The following RAPGEF5 variants were observed in gnomAD, a reference collection of about 807,000 sequenced individuals.
The protein encoded by RAPGEF5 is M-Ras-regulated GEF.
A neutral mutation model predicts 125.2 loss-of-function variants in RAPGEF5; 65 were observed. The ratio of observed to expected loss-of-function variants is 0.52; its 90% confidence interval spans 0.43 to 0.64. RAPGEF5 has a LOEUF of 0.64. RAPGEF5 is among the 30% of genes least tolerant of loss of function. RAPGEF5 has a pLI of 0.00. For synonymous variants in RAPGEF5, 391 were observed against 385.9 expected, an observed-to-expected ratio of 1.01 and a Z score of -0.16; for missense variants, 958 against 1,048.1, an observed-to-expected ratio of 0.91 and a Z score of 1.19.
rs1214542912 is a variant in RAPGEF5, at chr7:22,122,433, G to C, written c.2625C>G (p.Leu875=). The change falls in exon 26 of 26, where the codon CTC becomes CTG. Residue 875 remains leucine, a synonymous_variant. Coordinates refer to ENST00000665637, the MANE Select transcript of RAPGEF5 (RefSeq NM_012294.5). ...VIDSQQALFE[L]SHRIEPRV Reference sequence around the variant, plus strand: ...ACACCCGAGGCTCGATCCTGTGTGAGAGCTCAAACAGAGCCTGCTGGCTGT... The same window carrying C: ...ACACCCGAGGCTCGATCCTGTGTGACAGCTCAAACAGAGCCTGCTGGCTGT... 6.2e-7 allele frequency: 1 copy of C among 1,613,828 alleles called. No individual in the cohort carries two copies. The highest frequency in any genetic ancestry group is 1.3e-5 in the African/African-American group (1 of 75,062).
intron 9 of RAPGEF5, among the ~76,000 whole-genome samples, chr7:22,218,968 T>C (rs1187022520): frequency 6.6e-6 from 1 of 152,150 alleles, no homozygotes; most frequent in Non-Finnish European, 1.5e-5. Context: ...TCCTTCTCAG[T>C]AAAACCCTGC....
At chr7:22,137,286 C>T (rs1026986860) in intron 21 of RAPGEF5, among the ~76,000 whole-genome samples, 1 of 152,202 alleles carries the variant, frequency 6.6e-6, no homozygotes, top group African/African-American at 2.4e-5. Flanking sequence ...CAGTTCCATA[C>T]CCTACCTTTG....
In RAPGEF5 at chr7:22,147,640, G is replaced by C. The variant is rs56908747; in HGVS notation, c.1885-621C>G. On this transcript the variant is annotated intron_variant, in intron 18 of 25. Transcript: ENST00000665637. ...CGTAAATAGGGCCTAACAACTATGA[G>C]GCTGGTAACAGTATTTCCTTAAGAT... Among the ~76,000 whole-genome samples the C allele has an allele frequency of 6.6e-3, 1,003 of 152,260 alleles. 18 individuals carry two copies. The highest frequency in any genetic ancestry group is 0.023 in the African/African-American group (965 of 41,554).
intron 6 of RAPGEF5, among the ~76,000 whole-genome samples, chr7:22,277,322 T>A (rs1782579709): frequency 6.6e-6 from 1 of 152,228 alleles, no homozygotes; most frequent in South Asian, 2.1e-4. Context: ...ATCAGGAGAT[T>A]ATGGGTTCAA....
At chr7:22,331,731 C>T (rs1216331738) in intron 1 of RAPGEF5, among the ~76,000 whole-genome samples, 3 of 124,286 alleles carry the variant, frequency 2.4e-5, no homozygotes, top group Non-Finnish European at 4.8e-5. Context: ...GGTGATAGAG[C>T]GAGACTCCAT....
chr7:22,202,029 A>T (rs906864219), intron 9 of RAPGEF5, among the ~76,000 whole-genome samples: 1 of 152,222 alleles, frequency 6.6e-6, no homozygotes, highest in Admixed American at 6.5e-5. Flanking sequence ...AAGGTCAAGG[A>T]CAGAGAGGTC....
Position 22,156,880 on chromosome 7 carries a change from G to A in RAPGEF5, c.1566C>T (p.Ala522=). The change falls in exon 16 of 26, where the codon GCC becomes GCT. Residue 522 remains alanine (A), a synonymous_variant. Coordinates refer to ENST00000665637, the MANE Select transcript of RAPGEF5 (RefSeq NM_012294.5). The part of the protein sequence containing the change: ...DEYSPQKKNK[A]LFHQFSLKEN... ...CCTTAAGACTGAATTGGTGGAAAAG[G>A]GCTTTATTCTGTGAGATGGGAGAAA... is the stretch of plus-strand genomic sequence containing the variant. 1.2e-6 allele frequency: 2 copies of A among 1,613,856 alleles called. No individual in the cohort carries two copies. The highest frequency in any genetic ancestry group is 2.2e-5 in the East Asian group (1 of 44,878).
chr7:22,183,134 T>G (rs1329073000), intron 11 of RAPGEF5, among the ~76,000 whole-genome samples: 3 of 151,840 alleles, frequency 2.0e-5, no homozygotes, highest in Admixed American at 2.0e-4. Flanking sequence ...TTGGGCATGG[T>G]GGCACACACC....
intron 14 of RAPGEF5, among the ~76,000 whole-genome samples, 184 bp downstream of exon 14, chr7:22,160,334 C>G (rs74483868): frequency 6.6e-6 from 1 of 152,136 alleles, no homozygotes; most frequent in African/African-American, 2.4e-5. Flanking sequence ...AGCTGAATTC[C>G]GTGTTCTTTC....
At chr7:22,163,310 A>G (rs899982749) in intron 12 of RAPGEF5, among the ~76,000 whole-genome samples, 1 of 152,244 alleles carries the variant, frequency 6.6e-6, no homozygotes, top group Non-Finnish European at 1.5e-5. Flanking sequence ...ACAGTTGACT[A>G]AGTTATTATA....
At chr7:22,309,918 C>T in intron 4 of RAPGEF5, 51 bp downstream of exon 4, 1 of 1,505,326 alleles carries the variant, frequency 6.6e-7, no homozygotes, top group East Asian at 2.6e-5. Context: ...GTATTTTCAT[C>T]TGATAGCTTA....
chr7:22,289,587 C>A (rs1782882969), intron 6 of RAPGEF5, among the ~76,000 whole-genome samples: 1 of 152,248 alleles, frequency 6.6e-6, no homozygotes. Context: ...ATTATGCACA[C>A]CACAGGCACT....
intron 1 of RAPGEF5, among the ~76,000 whole-genome samples, chr7:22,344,420 G>A (rs1389293282): frequency 1.3e-5 from 2 of 152,230 alleles, no homozygotes; most frequent in Non-Finnish European, 2.9e-5. Flanking sequence ...CAGCCAAGGG[G>A]AGACACAGCT....
intron 5 of RAPGEF5, among the ~76,000 whole-genome samples, chr7:22,292,534 T>A (rs1266991234): frequency 1.3e-5 from 2 of 152,232 alleles, no homozygotes; most frequent in East Asian, 1.9e-4. Context: ...GATCTTTTTT[T>A]AATAAGGTTA....
At chr7:22,258,624 C>CAAAAAAAAAAAAA (rs34352575) in intron 7 of RAPGEF5, among the ~76,000 whole-genome samples, 35 of 45,810 alleles carry the variant, frequency 7.6e-4, no homozygotes, top group Non-Finnish European at 8.2e-4. Context: ...AACTCCGTCT[C>CAAAAAAAAAAAAA]AAAAAAAAAA....
intron 1 of RAPGEF5, among the ~76,000 whole-genome samples, chr7:22,341,105 C>T (rs751001086): frequency 3.9e-5 from 6 of 152,166 alleles, no homozygotes; most frequent in Non-Finnish European, 8.8e-5. Context: ...AAGACATACC[C>T]AGGACTGGGC....
At chr7:22,174,253 CAAG>C (rs1460071318) in intron 11 of RAPGEF5, among the ~76,000 whole-genome samples, 4 of 152,014 alleles carry the variant, frequency 2.6e-5, no homozygotes, top group East Asian at 3.8e-4. Context: ...TATGAATTTC[CAAG>C]AAGAATTGGA....
chr7:22,335,858 G>A (rs10272123), intron 1 of RAPGEF5, among the ~76,000 whole-genome samples: 83,407 of 151,902 alleles, frequency 0.55, 22,956 homozygotes, highest in East Asian at 0.59. Flanking sequence ...ACATGCAAAC[G>A]ACCACACTTA....
chr7:22,321,120 A>G, intron 1 of RAPGEF5, among the ~76,000 whole-genome samples: 1 of 152,250 alleles, frequency 6.6e-6, no homozygotes, highest in East Asian at 1.9e-4. Flanking sequence ...ATAGATTTTT[A>G]AGTCAAATGT....
Sources: gnomAD v4.1 joint callset for allele counts (sites outside exome capture counted in the v4.1 genomes callset) on GRCh38, gnomAD v4.1.1 for gene constraint, MANE v1.5 for transcripts, NCBI Gene and HGNC (gene_info 2026-07-23, HGNC 2026-07-21) for gene names.